The following ANXA8 variants were observed in gnomAD, a reference collection of about 807,000 sequenced individuals.
The protein encoded by ANXA8 is annexin A8, also known as VAC-beta.
In ANXA8, 9 loss-of-function variants were observed where a neutral mutation model predicts 26.8. The observed-to-expected ratio is 0.34, with a 90% CI of 0.20 to 0.59. The LOEUF is 0.59. Ranked by LOEUF, ANXA8 falls within the 20% of genes least tolerant of loss-of-function variation. The pLI is 0.84. For missense variants in ANXA8, 83 were observed against 238.5 expected (o/e 0.35, Z 4.29); for synonymous variants, 39 against 94.8 (o/e 0.41, Z 3.42).
At chr10:47,711,667 C>T in the ANXA8 span, among the ~76,000 whole-genome samples, 3 of 141,844 alleles carry the variant, frequency 2.1e-5, 1 homozygote, top group African/African-American at 8.6e-5. Flanking sequence ...CATAGCCTGG[C>T]TGAGAACATG....
chr10:47,589,827 C>G, the ANXA8 span, among the ~76,000 whole-genome samples: 1 of 144,856 alleles, frequency 6.9e-6, no homozygotes, highest in Non-Finnish European at 1.5e-5. Context: ...CTTGGAGCAG[C>G]TCAGATTCTC....
the ANXA8 span, among the ~76,000 whole-genome samples, chr10:47,652,149 T>C: frequency 6.6e-6 from 1 of 151,908 alleles, no homozygotes; most frequent in Non-Finnish European, 1.5e-5. Flanking sequence ...AGGGAGGCAA[T>C]TGGGAATGAC....
At chr10:47,676,487 T>C in the ANXA8 span, among the ~76,000 whole-genome samples, 13 of 151,972 alleles carry the variant, frequency 8.6e-5, no homozygotes, top group Non-Finnish European at 1.3e-4. Context: ...ACATTAGTTA[T>C]GTGAGAATGG....
the ANXA8 span, among the ~76,000 whole-genome samples, chr10:47,686,585 T>C: frequency 6.6e-6 from 1 of 151,992 alleles, no homozygotes; most frequent in African/African-American, 2.4e-5. Context: ...TCTATTATTG[T>C]TTTGAATTCC....
chr10:47,776,232 T>C, the ANXA8 span, among the ~76,000 whole-genome samples: 1 of 149,216 alleles, frequency 6.7e-6, no homozygotes, highest in Non-Finnish European at 1.5e-5. Flanking sequence ...ACCCATTTTT[T>C]CCCCCAAACA....
the ANXA8 span, among the ~76,000 whole-genome samples, chr10:47,517,420 G>GCA: frequency 7.8e-6 from 1 of 128,764 alleles, no homozygotes; most frequent in African/African-American, 3.1e-5. Flanking sequence ...TTACAGGCAT[G>GCA]CACCAGCACG....
the ANXA8 span, chr10:47,502,848 C>A: frequency 6.2e-7 from 1 of 1,601,728 alleles, no homozygotes; most frequent in Non-Finnish European, 8.5e-7. Context: ...GCTCCTCATA[C>A]GTCGTGGCTT....
the ANXA8 span, chr10:47,563,785 T>G: frequency 4.1e-6 from 3 of 736,396 alleles, no homozygotes; most frequent in East Asian, 7.6e-5. Flanking sequence ...TTATCGGAAC[T>G]GATTTTTTTT....
chr10:47,990,543 A>T, the ANXA8 span, among the ~76,000 whole-genome samples: 1 of 61,938 alleles, frequency 1.6e-5, no homozygotes, highest in Non-Finnish European at 4.0e-5. Context: ...AGCATGTCTG[A>T]CCCTGAGGAC....
At chr10:47,659,666 A>T in the ANXA8 span, among the ~76,000 whole-genome samples, 7 of 150,276 alleles carry the variant, frequency 4.7e-5, 1 homozygote, top group African/African-American at 1.8e-4. Flanking sequence ...ACAAGAGCGA[A>T]ACTCTGTCTC....
the ANXA8 span, among the ~76,000 whole-genome samples, chr10:47,957,265 T>C: frequency 6.6e-6 from 1 of 150,434 alleles, no homozygotes; most frequent in African/African-American, 2.5e-5. Flanking sequence ...CACACGTCAG[T>C]TGTGTCTCTG....
chr10:47,673,620 C>T, the ANXA8 span, among the ~76,000 whole-genome samples: 13 of 151,744 alleles, frequency 8.6e-5, no homozygotes, highest in Non-Finnish European at 1.5e-4. Context: ...AAACTCTGAC[C>T]GTGGCGCTTA....
chr10:47,533,284 C>G, the ANXA8 span, among the ~76,000 whole-genome samples: 4 of 142,598 alleles, frequency 2.8e-5, no homozygotes, highest in Non-Finnish European at 6.1e-5. Flanking sequence ...ATCAGGAGAG[C>G]AGAAAGCCTC....
chr10:47,683,856 A>G, the ANXA8 span, among the ~76,000 whole-genome samples: 4 of 151,508 alleles, frequency 2.6e-5, no homozygotes, highest in East Asian at 7.7e-4. Flanking sequence ...AAAAGGCATT[A>G]CTACAGGGAG....
chr10:47,699,168 A>G, the ANXA8 span, among the ~76,000 whole-genome samples: 29 of 150,672 alleles, frequency 1.9e-4, no homozygotes, highest in Non-Finnish European at 1.8e-4. Flanking sequence ...CCAACATAGC[A>G]AAACCCTGTC....
chr10:47,974,132 T>G, the ANXA8 span, among the ~76,000 whole-genome samples: 1 of 150,958 alleles, frequency 6.6e-6, no homozygotes, highest in Non-Finnish European at 1.5e-5. Context: ...TTCAAGCACA[T>G]GGACTTTGCA....
chr10:47,501,475 C>T, the ANXA8 span, among the ~76,000 whole-genome samples: 20 of 136,904 alleles, frequency 1.5e-4, 2 homozygotes, highest in African/African-American at 2.4e-4. Flanking sequence ...TTTGGGAGGC[C>T]GAGGCAGGTG....
At chr10:47,673,314 G>C in the ANXA8 span, among the ~76,000 whole-genome samples, 1 of 151,614 alleles carries the variant, frequency 6.6e-6, no homozygotes, top group African/African-American at 2.4e-5. Context: ...CAGGATTGCT[G>C]AGAAAAATCC....
the ANXA8 span, among the ~76,000 whole-genome samples, chr10:47,682,569 A>C: frequency 4.0e-5 from 6 of 149,572 alleles, no homozygotes; most frequent in Non-Finnish European, 7.4e-5. Flanking sequence ...TCCCGGGTTC[A>C]AGCGATTCTC....
Sources: allele counts gnomAD v4.1 joint callset (sites outside exome capture counted in the v4.1 genomes callset), GRCh38; gene constraint gnomAD v4.1.1; transcripts MANE v1.5; gene names NCBI Gene and HGNC (gene_info 2026-07-23, HGNC 2026-07-21).